The following RNLS variants were observed in gnomAD, a reference collection of about 807,000 sequenced individuals.
The protein encoded by RNLS is renalase, FAD dependent amine oxidase.
In RNLS, 39 loss-of-function variants were observed where a neutral mutation model predicts 39.8. The ratio of observed to expected loss-of-function variants is 0.98; its 90% confidence interval spans 0.76 to 1.28. RNLS has a LOEUF of 1.28. Among genes scored for constraint, RNLS ranks in the 50% most tolerant of loss-of-function variants. The pLI is 0.00. For synonymous variants in RNLS, 147 were observed against 150.7 expected, an observed-to-expected ratio of 0.98 and a Z score of 0.18; for missense variants, 410 against 413.3, an observed-to-expected ratio of 0.99 and a Z score of 0.07.
At chr10:88,235,589 C>T in the RNLS span, among the ~76,000 whole-genome samples, 2 of 152,160 alleles carry the variant, frequency 1.3e-5, no homozygotes, top group Non-Finnish European at 2.9e-5. Flanking sequence ...TCAATTTATA[C>T]AACCCCACTT....
rs542840145 is a variant in RNLS, at chr10:88,579,104, G to A, written c.367+2463C>T. On this transcript the variant is annotated intron_variant, in intron 3 of 6. Transcript: ENST00000331772. ...TTCAGACTGAAGACCCAAAGATACA[G>A]GAGTCCATTTTTATGCTTAGATTCA... 2.0e-5 allele frequency among the ~76,000 whole-genome samples: 3 copies of A among 152,186 alleles called. No homozygotes were observed. In the East Asian group the frequency reaches 5.8e-4, roughly 29 times the overall value.
At chr10:88,561,083 C>A (rs962229128) in intron 4 of RNLS, among the ~76,000 whole-genome samples, 3 of 151,956 alleles carry the variant, frequency 2.0e-5, no homozygotes, top group African/African-American at 4.8e-5. Flanking sequence ...CAAACTGAGA[C>A]CGAAGTTTAA....
intron 5 of RNLS, among the ~76,000 whole-genome samples, chr10:88,345,025 C>T (rs1361016420): frequency 6.6e-6 from 1 of 151,924 alleles, no homozygotes; most frequent in African/African-American, 2.4e-5. Flanking sequence ...ATAGCAGGGC[C>T]CACATACGAT....
At chr10:88,394,430 A>C (rs553073571) in intron 4 of RNLS, among the ~76,000 whole-genome samples, 3 of 152,220 alleles carry the variant, frequency 2.0e-5, no homozygotes, top group Non-Finnish European at 4.4e-5. Context: ...GCAGCCAAAA[A>C]ACACATGAAA....
downstream of RNLS, among the ~76,000 whole-genome samples, chr10:88,282,773 C>G (rs1020685817): frequency 2.0e-5 from 3 of 152,092 alleles, no homozygotes; most frequent in Non-Finnish European, 2.9e-5. Flanking sequence ...TACTATTTCA[C>G]TGCTATAATT....
intron 4 of RNLS, among the ~76,000 whole-genome samples, chr10:88,530,524 G>A (rs889509470): frequency 1.3e-5 from 2 of 151,768 alleles, no homozygotes; most frequent in Admixed American, 6.6e-5. Context: ...TTAACTACTC[G>A]TTCAACATAT....
chr10:88,261,823 A>C, the RNLS span, among the ~76,000 whole-genome samples: 1 of 152,242 alleles, frequency 6.6e-6, no homozygotes, highest in Non-Finnish European at 1.5e-5. Flanking sequence ...GAACAAAATC[A>C]AACCAAAAAC....
the RNLS span, chr10:88,259,089 T>C: frequency 7.9e-5 from 12 of 152,318 alleles, no homozygotes; most frequent in South Asian, 1.7e-3. Context: ...TTTCTACTTA[T>C]CATTATTTAA....
intron 4 of RNLS, among the ~76,000 whole-genome samples, chr10:88,436,544 A>C (rs1841424536): frequency 6.6e-6 from 1 of 152,160 alleles, no homozygotes; most frequent in Admixed American, 6.5e-5. Flanking sequence ...ACCATTTAAT[A>C]TGTATATTGG....
At chr10:88,464,815 G>T (rs1204569029) in intron 4 of RNLS, among the ~76,000 whole-genome samples, 1 of 152,036 alleles carries the variant, frequency 6.6e-6, no homozygotes, top group Non-Finnish European at 1.5e-5. Context: ...GACTTCACAA[G>T]GAGTATGGTG....
At chr10:88,198,260 G>C in the RNLS span, among the ~76,000 whole-genome samples, 1 of 152,216 alleles carries the variant, frequency 6.6e-6, no homozygotes, top group Non-Finnish European at 1.5e-5. Flanking sequence ...CTGATGCCAA[G>C]AGAGCAGAGC....
intron 4 of RNLS, among the ~76,000 whole-genome samples, chr10:88,413,033 T>C (rs890623814): frequency 6.6e-6 from 1 of 152,130 alleles, no homozygotes; most frequent in African/African-American, 2.4e-5. Flanking sequence ...TCTCTTATGC[T>C]CCCTTAAAAG....
chr10:88,175,966 T>C, the RNLS span, among the ~76,000 whole-genome samples: 3 of 152,206 alleles, frequency 2.0e-5, no homozygotes, highest in African/African-American at 7.2e-5. Flanking sequence ...TTTTGCTGGA[T>C]TGATCCCTTT....
the RNLS span, among the ~76,000 whole-genome samples, chr10:88,203,364 GTGTGTA>G: frequency 1.5e-4 from 2 of 13,378 alleles, no homozygotes; most frequent in African/African-American, 1.1e-3. Context: ...ATACGTATGT[GTGTGTA>G]TATATATATA....
At chr10:88,515,730 A>G (rs1846372191) in intron 4 of RNLS, among the ~76,000 whole-genome samples, 1 of 152,072 alleles carries the variant, frequency 6.6e-6, no homozygotes, top group Admixed American at 6.6e-5. Context: ...CAGGTGCTCA[A>G]TAAGTGTTTA....
At chr10:88,219,127 C>T in the RNLS span, among the ~76,000 whole-genome samples, 5 of 152,162 alleles carry the variant, frequency 3.3e-5, no homozygotes, top group Non-Finnish European at 7.3e-5. Flanking sequence ...TCTTTTGTAT[C>T]TCCAAGAGGG....
chr10:88,272,992 C>G (rs1842690051), downstream of RNLS, among the ~76,000 whole-genome samples: 1 of 152,166 alleles, frequency 6.6e-6, no homozygotes. Flanking sequence ...ATTCTATCCT[C>G]CCTCGGGTGA....
chr10:88,469,499 T>C (rs1443377314), intron 4 of RNLS, among the ~76,000 whole-genome samples: 1 of 152,122 alleles, frequency 6.6e-6, no homozygotes, highest in East Asian at 1.9e-4. Context: ...CAGCATTCTA[T>C]GGGGTGCTCA....
At chr10:88,505,013 A>G (rs1845712369) in intron 4 of RNLS, among the ~76,000 whole-genome samples, 1 of 151,950 alleles carries the variant, frequency 6.6e-6, no homozygotes, top group African/African-American at 2.4e-5. Context: ...TGATCTCATC[A>G]CTTCTTAAAA....
Sources: allele counts gnomAD v4.1 joint callset (sites outside exome capture counted in the v4.1 genomes callset), GRCh38; gene constraint gnomAD v4.1.1; transcripts MANE v1.5; gene names NCBI Gene and HGNC (gene_info 2026-07-23, HGNC 2026-07-21).